CATSPERQ: variants seen among roughly 807,000 people sequenced by gnomAD.
The protein encoded by CATSPERQ is cation channel sperm-associated auxiliary subunit theta.
At chr8:144,354,541 C>T in the CATSPERQ span, 3 of 1,443,362 alleles carry the variant, frequency 2.1e-6, no homozygotes, top group East Asian at 2.6e-5. This position sits in a 1 kb window ranked among gnomAD's most constrained non-coding sequence, Gnocchi z 4.6. Flanking sequence ...ATTCAGGCCT[C>T]GGGCCCGTCT....
the CATSPERQ span, chr8:144,354,598 C>CGCCCA: frequency 6.7e-7 from 1 of 1,483,598 alleles, no homozygotes; most frequent in South Asian, 1.2e-5. This position sits in a 1 kb window ranked among gnomAD's most constrained non-coding sequence, Gnocchi z 4.6. Flanking sequence ...CGCCCCGCCC[C>CGCCCA]GCCCAGCCTC....
the CATSPERQ span, chr8:144,354,504 C>T: frequency 7.1e-7 from 1 of 1,399,826 alleles, no homozygotes; most frequent in Non-Finnish European, 9.4e-7. The surrounding 1 kb of genome is among the most constrained non-coding windows in gnomAD (Gnocchi z 4.6). Flanking sequence ...GGCCCTGGCC[C>T]TGCCTCTGCC....
the CATSPERQ span, chr8:144,354,206 G>C: frequency 1.3e-6 from 2 of 1,546,588 alleles, no homozygotes; most frequent in Non-Finnish European, 1.7e-6. This position sits in a 1 kb window ranked among gnomAD's most constrained non-coding sequence, Gnocchi z 4.6. Flanking sequence ...AGGGGAGGAG[G>C]GCGGTGGGGG....
the CATSPERQ span, chr8:144,354,498 C>A: frequency 7.3e-7 from 1 of 1,379,156 alleles, no homozygotes; most frequent in Non-Finnish European, 9.5e-7. The surrounding 1 kb of genome is among the most constrained non-coding windows in gnomAD (Gnocchi z 4.6). Context: ...ACCCAGGGCC[C>A]TGGCCCTGCC....
chr8:144,354,347 C>T, the CATSPERQ span: 2 of 1,530,892 alleles, frequency 1.3e-6, no homozygotes, highest in African/African-American at 2.7e-5. This position sits in a 1 kb window ranked among gnomAD's most constrained non-coding sequence, Gnocchi z 4.6. Flanking sequence ...GGTGGCGCGG[C>T]GCGTGAGGAC....
chr8:144,354,197 G>C, the CATSPERQ span: 9 of 1,544,964 alleles, frequency 5.8e-6, no homozygotes, highest in Admixed American at 9.8e-5. This position sits in a 1 kb window ranked among gnomAD's most constrained non-coding sequence, Gnocchi z 4.6. Flanking sequence ...CCGGCCCTCA[G>C]GGGAGGAGGG....
At chr8:144,353,946 C>A in the CATSPERQ span, 1 of 1,530,690 alleles carries the variant, frequency 6.5e-7, no homozygotes, top group Non-Finnish European at 8.7e-7. Context: ...ACCCTCCCGG[C>A]CCGTTACCAT....
the CATSPERQ span, chr8:144,354,169 A>T: frequency 6.0e-5 from 93 of 1,537,268 alleles, no homozygotes; most frequent in Non-Finnish European, 7.8e-5. The surrounding 1 kb of genome is among the most constrained non-coding windows in gnomAD (Gnocchi z 4.6). Context: ...CCACGCGGAG[A>T]GTCTGAGCGG....
chr8:144,354,556 C>G, the CATSPERQ span: 19 of 708,172 alleles, frequency 2.7e-5, no homozygotes, highest in Non-Finnish European at 4.1e-5. This position sits in a 1 kb window ranked among gnomAD's most constrained non-coding sequence, Gnocchi z 4.6. Context: ...CCGTCTCCCT[C>G]CTCCCCCGCC....
chr8:144,354,724 C>A, the CATSPERQ span: 1 of 1,535,674 alleles, frequency 6.5e-7, no homozygotes, highest in East Asian at 2.4e-5. This position sits in a 1 kb window ranked among gnomAD's most constrained non-coding sequence, Gnocchi z 4.6. Flanking sequence ...GAAGCGCCAG[C>A]CGATGGAGGT....
the CATSPERQ span, chr8:144,353,965 A>G: frequency 6.5e-7 from 1 of 1,532,998 alleles, no homozygotes; most frequent in Non-Finnish European, 8.7e-7. Flanking sequence ...ATCGGAGCTG[A>G]GCGCCAGGCG....
the CATSPERQ span, chr8:144,354,553 C>CCGCCGG: frequency 1.1e-6 from 1 of 920,114 alleles, no homozygotes; most frequent in Non-Finnish European, 1.6e-6. The surrounding 1 kb of genome is among the most constrained non-coding windows in gnomAD (Gnocchi z 4.6). Context: ...GGCCCGTCTC[C>CCGCCGG]CTCCTCCCCC....
At chr8:144,354,862 G>C in the CATSPERQ span, 2 of 1,474,148 alleles carry the variant, frequency 1.4e-6, no homozygotes, top group East Asian at 2.5e-5. The surrounding 1 kb of genome is among the most constrained non-coding windows in gnomAD (Gnocchi z 4.6). Context: ...AAATTCTCCA[G>C]GGCTGCAGGC....
chr8:144,354,216 G>T, the CATSPERQ span: 8 of 1,546,694 alleles, frequency 5.2e-6, no homozygotes, highest in Non-Finnish European at 6.9e-6. The surrounding 1 kb of genome is among the most constrained non-coding windows in gnomAD (Gnocchi z 4.6). Flanking sequence ...GGCGGTGGGG[G>T]TCGGGCCCAG....
chr8:144,354,393 C>A, the CATSPERQ span: 1 of 1,492,748 alleles, frequency 6.7e-7, no homozygotes, highest in Non-Finnish European at 9.0e-7. This position sits in a 1 kb window ranked among gnomAD's most constrained non-coding sequence, Gnocchi z 4.6. Flanking sequence ...GTGGCGGTGC[C>A]AAGGCTTGGC....
the CATSPERQ span, chr8:144,354,337 G>GGAGGC: frequency 2.0e-6 from 3 of 1,532,802 alleles, no homozygotes; most frequent in Non-Finnish European, 2.6e-6. The surrounding 1 kb of genome is among the most constrained non-coding windows in gnomAD (Gnocchi z 4.6). Flanking sequence ...GAAGACTGGG[G>GGAGGC]GTGGCGCGGC....
At chr8:144,354,373 G>C in the CATSPERQ span, 1 of 1,508,424 alleles carries the variant, frequency 6.6e-7, no homozygotes, top group Non-Finnish European at 8.9e-7. The surrounding 1 kb of genome is among the most constrained non-coding windows in gnomAD (Gnocchi z 4.6). Flanking sequence ...GGCCCTGCCC[G>C]CAGCCGGGGG....
chr8:144,354,457 C>T, the CATSPERQ span: 1 of 1,310,386 alleles, frequency 7.6e-7, no homozygotes, highest in South Asian at 1.6e-5. The surrounding 1 kb of genome is among the most constrained non-coding windows in gnomAD (Gnocchi z 4.6). Context: ...CGCCTGCGGC[C>T]TCTCCGTCCC....
At chr8:144,353,414 G>A in the CATSPERQ span, 5 of 1,535,762 alleles carry the variant, frequency 3.3e-6, no homozygotes, top group African/African-American at 2.7e-5. Context: ...CCATCACAGT[G>A]CCAGCGCCAG....
Sources: allele counts gnomAD v4.1 joint callset, GRCh38; gene constraint gnomAD v4.1.1; non-coding constraint Gnocchi (gnomAD v3.1); transcripts MANE v1.5; gene names NCBI Gene and HGNC (gene_info 2026-07-23, HGNC 2026-07-21).